Variants in CAMTA1 observed in about 807,000 individuals in gnomAD.
CAMTA1 encodes the protein calmodulin-binding transcription activator 1.
Under a neutral mutation model 170.9 loss-of-function variants are expected in CAMTA1, and 27 were observed. The ratio of observed to expected loss-of-function variants is 0.16; its 90% CI spans 0.12 to 0.22. The LOEUF (loss-of-function observed/expected upper bound fraction) is 0.22. Among genes scored for constraint, CAMTA1 ranks in the 10% least tolerant of loss-of-function variants. The pLI, the probability that CAMTA1 is intolerant of heterozygous loss-of-function variation, is 1.00. For missense variants in CAMTA1, 1,619 were observed against 2,217.2 expected (o/e 0.73, Z 5.42); for synonymous variants, 833 against 891.5 (o/e 0.93, Z 1.17).
At chr1:7,460,671 AC>A (rs1230014550) in intron 5 of CAMTA1, among the ~76,000 whole-genome samples, 1 of 145,296 alleles carries the variant, frequency 6.9e-6, no homozygotes, top group Non-Finnish European at 1.5e-5. Context: ...ATAGCATTAA[AC>A]CCTCATCTTC....
chr1:7,399,969 C>T (rs914631199), intron 5 of CAMTA1, among the ~76,000 whole-genome samples: 1 of 152,144 alleles, frequency 6.6e-6, no homozygotes, highest in East Asian at 1.9e-4. Flanking sequence ...TTGGGTTGAA[C>T]CTGTTTGAGG....
At chr1:7,020,786 CTGACCCCAA>C (rs1162458661) in intron 3 of CAMTA1, among the ~76,000 whole-genome samples, 1 of 152,232 alleles carries the variant, frequency 6.6e-6, no homozygotes, top group Admixed American at 6.5e-5. Context: ...GGGACCAGGG[CTGACCCCAA>C]TGCCACAGGA....
intron 19 of CAMTA1, chr1:7,749,792 G>A (rs1436385290): frequency 2.2e-6 from 1 of 456,400 alleles, no homozygotes; most frequent in Admixed American, 2.4e-5. Context: ...AGCCTTGAAG[G>A]TAATGATACA....
chr1:7,124,637 C>T (rs1169866885), intron 4 of CAMTA1, among the ~76,000 whole-genome samples: 3 of 152,312 alleles, frequency 2.0e-5, no homozygotes, highest in Non-Finnish European at 2.9e-5. Context: ...GATTTGCTGA[C>T]TGATCTTTCT....
intron 6 of CAMTA1, among the ~76,000 whole-genome samples, chr1:7,507,687 G>C (rs888783235): frequency 6.6e-6 from 1 of 152,222 alleles, no homozygotes; most frequent in African/African-American, 2.4e-5. Context: ...CAACAGGTAG[G>C]GGCCCAGGCC....
intron 3 of CAMTA1, among the ~76,000 whole-genome samples, chr1:6,953,523 C>T (rs971715983): frequency 2.0e-5 from 3 of 152,220 alleles, no homozygotes; most frequent in African/African-American, 7.2e-5. Context: ...CCGCCTTGCT[C>T]AGGAGGGCTG....
intron 6 of CAMTA1, among the ~76,000 whole-genome samples, chr1:7,496,103 A>G (rs1433404173): frequency 6.6e-6 from 1 of 152,084 alleles, no homozygotes; most frequent in African/African-American, 2.4e-5. Flanking sequence ...AGCCGCCAGG[A>G]CCCAGAGGGC....
intron 3 of CAMTA1, chr1:6,873,961 CAGAA>C (rs1419788538): frequency 6.6e-6 from 1 of 152,224 alleles, no homozygotes; most frequent in Non-Finnish European, 1.5e-5. Flanking sequence ...AATACTCCAA[CAGAA>C]AGACTTCAGA....
chr1:7,290,413 G>A (rs1367697379), intron 5 of CAMTA1, among the ~76,000 whole-genome samples: 1 of 152,222 alleles, frequency 6.6e-6, no homozygotes, highest in Non-Finnish European at 1.5e-5. Flanking sequence ...AGATATATGT[G>A]GAGTAGTGGA....
chr1:7,613,723 C>T (rs567813592), intron 6 of CAMTA1, among the ~76,000 whole-genome samples: 5 of 93,714 alleles, frequency 5.3e-5, no homozygotes, highest in South Asian at 3.8e-4. Flanking sequence ...AGAGCGATGG[C>T]GGGGGCGGGG....
chr1:7,231,937 T>C (rs112742669), intron 4 of CAMTA1, among the ~76,000 whole-genome samples: 1,824 of 152,318 alleles, frequency 0.012, 13 homozygotes, highest in Non-Finnish European at 0.017. Context: ...AGAACAAATG[T>C]GGCCTCTGCC....
At position 7,007,782 on chromosome 1, in the gene CAMTA1, C is replaced by G. The variant is rs796279738; in HGVS notation, c.235-83522C>G. 2.0e-5 allele frequency among the ~76,000 whole-genome samples: 3 copies of G among 152,310 alleles called. No individual in the cohort carries two copies. Among genetic ancestry groups the G allele is most frequent in the African/African-American group, 7.2e-5 (3 of 41,568 alleles). On this transcript the variant is annotated intron_variant, in intron 3 of 22. Coordinates refer to ENST00000303635, the MANE Select transcript of CAMTA1 (RefSeq NM_015215.4). The surrounding 1 kb of genome is among the most constrained non-coding windows in gnomAD (Gnocchi z 4.5). ...TCTACCGACTTCTGGGCCGGGTCAT[C>G]CACTCCTCCAGAAGAGAGGCCAGGG... is the stretch of plus-strand genomic sequence containing the variant.
intron 6 of CAMTA1, among the ~76,000 whole-genome samples, chr1:7,619,207 G>T (rs1394423707): frequency 6.6e-6 from 1 of 152,216 alleles, no homozygotes; most frequent in Non-Finnish European, 1.5e-5. Flanking sequence ...GCCATGGCAA[G>T]CTATTCCTGC....
At chr1:7,586,260 G>A (rs549444124) in intron 6 of CAMTA1, among the ~76,000 whole-genome samples, 6 of 152,110 alleles carry the variant, frequency 3.9e-5, no homozygotes, top group Admixed American at 2.6e-4. Flanking sequence ...TTTAAGCCTC[G>A]AGGGCTGGCT....
chr1:7,121,726 C>A (rs902967847), intron 4 of CAMTA1, among the ~76,000 whole-genome samples: 2 of 152,294 alleles, frequency 1.3e-5, no homozygotes, highest in Middle Eastern at 6.8e-3. Context: ...GGAGCTGGCA[C>A]GGCGAGTTCT....
rs1388973380 is a variant in CAMTA1 at position 7,561,501 on chromosome 1, G to T, written c.511-78899G>T. Among the ~76,000 whole-genome samples, 1 of 151,778 alleles carries T rather than the reference G, an allele frequency of 6.6e-6. No homozygotes were observed. Among genetic ancestry groups the T allele is most frequent in the Non-Finnish European group, 1.5e-5 (1 of 67,912 alleles). ...CACCAGCACACTCCTCATCCTCTAG[G>T]ATGAGCCCAAGCAGAGGTGAGAGAA... On this transcript the variant is annotated intron_variant, in intron 6 of 22. Transcript: ENST00000303635. This position sits in a 1 kb window ranked among gnomAD's most constrained non-coding sequence, Gnocchi z 5.3.
chr1:7,271,530 A>G lies in CAMTA1; in HGVS notation c.438+21904A>G, dbSNP rs185393696. Reference sequence around the variant, plus strand: ...CAGAAGTTGATACTCTCAAATATCAACAAAACTGGTAAACTGTTAATTACA... The same window carrying G: ...CAGAAGTTGATACTCTCAAATATCAGCAAAACTGGTAAACTGTTAATTACA... On this transcript the variant is annotated intron_variant, in intron 5 of 22. Transcript: ENST00000303635. Among the ~76,000 whole-genome samples, 8 of 152,180 alleles carry G rather than the reference A, an allele frequency of 5.3e-5. No homozygotes were observed. The East Asian group carries it at 1.2e-3, about 22-fold the overall frequency.
At chr1:7,471,746 AG>A (rs1003366391) in intron 6 of CAMTA1, among the ~76,000 whole-genome samples, 7 of 152,212 alleles carry the variant, frequency 4.6e-5, no homozygotes, top group African/African-American at 1.7e-4. Flanking sequence ...GGAGGCATGA[AG>A]GGGTGAGCTG....
chr1:7,349,651 G>C (rs1265774757), intron 5 of CAMTA1, among the ~76,000 whole-genome samples: 1 of 152,216 alleles, frequency 6.6e-6, no homozygotes, highest in Non-Finnish European at 1.5e-5. Flanking sequence ...CCCTCTGCCT[G>C]TGTCTGTGTC....
Sources: allele counts gnomAD v4.1 joint callset (sites outside exome capture counted in the v4.1 genomes callset), GRCh38; gene constraint gnomAD v4.1.1; non-coding constraint Gnocchi (gnomAD v3.1); transcripts MANE v1.5; gene names NCBI Gene and HGNC (gene_info 2026-07-23, HGNC 2026-07-21).